The following INO80D variants were observed in gnomAD, a reference collection of about 807,000 sequenced individuals.
INO80D encodes INO80 complex subunit D.
A neutral mutation model predicts 87.6 loss-of-function variants in INO80D; 21 were observed. The observed-to-expected ratio is 0.24, with a 90% CI of 0.17 to 0.35. INO80D has a LOEUF of 0.35. Among genes scored for constraint, INO80D ranks in the 10% least tolerant of loss-of-function variants. The probability of loss-of-function intolerance (pLI) is 1.00; values close to 1 mark genes in which losing one functional copy is unlikely to be tolerated. For missense variants in INO80D, 982 were observed against 1,280.7 expected (o/e 0.77, Z 3.56); for synonymous variants, 440 against 491.0 (o/e 0.90, Z 1.37).
intron 4 of INO80D, among the ~76,000 whole-genome samples, chr2:206,054,078 G>T (rs1689449513): frequency 6.6e-6 from 1 of 152,016 alleles, no homozygotes; most frequent in African/African-American, 2.4e-5. Context: ...GACCTCAGGT[G>T]ATTCACCGGC....
rs1361967542 is a variant in INO80D, at chr2:206,002,919, T to G, written c.*1449A>C. 1 of 152,136 alleles carries G rather than the reference T, an allele frequency of 6.6e-6. No individual in the cohort carries two copies. The highest frequency in any genetic ancestry group is 1.5e-5 in the Non-Finnish European group (1 of 68,034). 9.4% of individuals were successfully genotyped at this position (152,136 alleles called of 1,614,324 possible). ...CTACTCAGCAAAAGCAGAGTAGAGATGCCTTTAAAATCTAGTTCCACCCTT... is the reference window on the plus strand; with the variant it reads ...CTACTCAGCAAAAGCAGAGTAGAGAGGCCTTTAAAATCTAGTTCCACCCTT... On this transcript the variant is annotated 3_prime_UTR_variant, in exon 11 of 11. Transcript: ENST00000403263.
At chr2:206,047,874 G>A (rs1256430913) in intron 4 of INO80D, among the ~76,000 whole-genome samples, 9 of 36,640 alleles carry the variant, frequency 2.5e-4, no homozygotes, top group Admixed American at 3.9e-4. Context: ...TTTTTGAGAC[G>A]GAGTCTCGCT....
intron 4 of INO80D, 32 bp downstream of exon 4, chr2:206,056,166 G>A (rs1370923135): frequency 6.6e-7 from 1 of 1,525,116 alleles, no homozygotes; most frequent in Non-Finnish European, 8.8e-7. Context: ...GTCATATTAT[G>A]TGTCTATGAT....
chr2:206,037,174 G>A (rs1021416616), intron 5 of INO80D, among the ~76,000 whole-genome samples: 2 of 152,118 alleles, frequency 1.3e-5, no homozygotes, highest in African/African-American at 4.8e-5. Flanking sequence ...TACAAAAAAG[G>A]AAAGAAATGA....
chr2:206,038,415 C>G (rs150212090), intron 5 of INO80D, among the ~76,000 whole-genome samples: 9 of 152,288 alleles, frequency 5.9e-5, no homozygotes, highest in South Asian at 2.1e-4. Context: ...TCTAACAGAA[C>G]TTGTTGCCAT....
chr2:206,046,187 A>G (rs1156687597), intron 5 of INO80D, among the ~76,000 whole-genome samples: 1 of 152,238 alleles, frequency 6.6e-6, no homozygotes, highest in Non-Finnish European at 1.5e-5. Context: ...ATCTAATAAC[A>G]TAAAAGTATC....
chr2:206,056,556 C>T lies in INO80D; in HGVS notation c.606G>A (p.Gln202=). The T allele has an allele frequency of 1.2e-6, 2 of 1,612,854 alleles. No homozygotes were observed. The highest frequency in any genetic ancestry group is 1.7e-6 in the Non-Finnish European group (2 of 1,179,376). The change falls in exon 4 of 11, where the codon CAG becomes CAA. Residue 202 remains glutamine (Q), a synonymous_variant. Coordinates refer to ENST00000403263, the MANE Select transcript of INO80D (RefSeq NM_017759.5). ...EHFSPPPAPS[Q]QQPPQQHSHL... ...GGGAGTGCTGCTGCGGAGGCTGCTG[C>T]TGTGAAGGTGCAGGAGGGGGACTAA... is the stretch of plus-strand genomic sequence containing the variant.
intron 1 of INO80D, among the ~76,000 whole-genome samples, chr2:206,069,578 A>T (rs1317356433): frequency 6.6e-6 from 1 of 152,108 alleles, no homozygotes; most frequent in Non-Finnish European, 1.5e-5. Context: ...TCTAATGCAG[A>T]TTCTCAACAT....
chr2:206,007,888 C>G (rs1469720675), intron 9 of INO80D: 1 of 152,316 alleles, frequency 6.6e-6, no homozygotes, highest in Non-Finnish European at 1.5e-5. Context: ...ATTTAAAGGT[C>G]AGAAAGCCCC....
In INO80D at chr2:205,996,942, A is replaced by G. The variant is rs1450816155; in HGVS notation, c.*7426T>C. The G allele has an allele frequency of 1.3e-5, 2 of 152,284 alleles. No homozygotes were observed. Among genetic ancestry groups the G allele is most frequent in the Admixed American group, 1.3e-4 (2 of 15,294 alleles). The allele number at this position is 152,284 out of a possible 1,614,324, so 9.4% of individuals were successfully genotyped here. A position where few individuals can be genotyped will look rare whatever the true frequency, so the allele number is the denominator to read the frequency against. ...AAAAAAAATCCCAAAACAAGAGTGA[A>G]TGAAACCAGGAGATGCTGCAAAAAT... On this transcript the variant is annotated 3_prime_UTR_variant, in exon 11 of 11. Coordinates refer to ENST00000403263, the MANE Select transcript of INO80D (RefSeq NM_017759.5).
At chr2:206,067,959 T>C (rs1689864160) in intron 1 of INO80D, among the ~76,000 whole-genome samples, 1 of 152,040 alleles carries the variant, frequency 6.6e-6, no homozygotes, top group South Asian at 2.1e-4. Context: ...AAAATGCAAC[T>C]CAACTGAGCA....
chr2:206,030,057 G>C (rs1443762709), intron 5 of INO80D, among the ~76,000 whole-genome samples: 1 of 152,198 alleles, frequency 6.6e-6, no homozygotes, highest in Non-Finnish European at 1.5e-5. Context: ...TCTGACAGCA[G>C]GTCTACACTT....
chr2:205,998,265 C>G lies in INO80D; in HGVS notation c.*6103G>C, dbSNP rs1212339248. 6.6e-6 allele frequency: 1 copy of G among 151,990 alleles called. No individual in the cohort carries two copies. Among genetic ancestry groups the G allele is most frequent in the Non-Finnish European group, 1.5e-5 (1 of 67,984 alleles). 9.4% of individuals were successfully genotyped at this position (151,990 alleles called of 1,614,324 possible). A position where few individuals can be genotyped will look rare whatever the true frequency, so the allele number is the denominator to read the frequency against. On this transcript the variant is annotated 3_prime_UTR_variant, in exon 11 of 11. Transcript: ENST00000403263. Reference sequence around the variant, plus strand: ...GCCATCTTAAGTGTAAACCACAGATCATTTACTAAAGAACATGATTCTCAA... The same window carrying G: ...GCCATCTTAAGTGTAAACCACAGATGATTTACTAAAGAACATGATTCTCAA...
chr2:206,010,941 G>A (rs941603921), intron 8 of INO80D, among the ~76,000 whole-genome samples: 3 of 152,158 alleles, frequency 2.0e-5, no homozygotes, highest in East Asian at 1.9e-4. Flanking sequence ...AGCCAGGCCT[G>A]GTGACACGTG....
intron 1 of INO80D, among the ~76,000 whole-genome samples, chr2:206,081,231 C>T (rs1167239378): frequency 6.6e-6 from 1 of 152,204 alleles, no homozygotes; most frequent in Non-Finnish European, 1.5e-5. Context: ...ACTACCATTA[C>T]ATGGACAATC....
intron 1 of INO80D, among the ~76,000 whole-genome samples, chr2:206,083,105 C>T (rs1016838834): frequency 1.3e-5 from 2 of 152,102 alleles, no homozygotes; most frequent in Admixed American, 6.6e-5. Flanking sequence ...TTATTAATTT[C>T]AAATGGAATG....
intron 3 of INO80D, 62 bp from the exon 4 acceptor site, chr2:206,057,005 TA>T (rs1689544190): frequency 1.4e-6 from 2 of 1,437,150 alleles, no homozygotes; most frequent in Non-Finnish European, 9.3e-7. Context: ...AAGTAGAACA[TA>T]AAACTACATG....
At chr2:206,069,079 A>G (rs959907134) in intron 1 of INO80D, among the ~76,000 whole-genome samples, 1 of 152,112 alleles carries the variant, frequency 6.6e-6, no homozygotes, top group Non-Finnish European at 1.5e-5. Flanking sequence ...TAATCCTATT[A>G]TATTTTGTAT....
chr2:206,034,995 A>C (rs1688856652), intron 5 of INO80D, among the ~76,000 whole-genome samples: 1 of 152,120 alleles, frequency 6.6e-6, no homozygotes, highest in Admixed American at 6.6e-5. Context: ...CTGCAAAAGA[A>C]AAATAATAAT....
Sources: allele counts gnomAD v4.1 joint callset (sites outside exome capture counted in the v4.1 genomes callset), GRCh38; gene constraint gnomAD v4.1.1; transcripts MANE v1.5; gene names NCBI Gene and HGNC (gene_info 2026-07-23, HGNC 2026-07-21).